Variants in SAMD5 observed in about 807,000 individuals in gnomAD.
SAMD5 encodes the protein sterile alpha motif domain containing 5.
SAMD5 carries 13 observed loss-of-function variants against 11.3 expected under a neutral mutation model. The observed-to-expected ratio is 1.15, with a 90% CI of 0.75 to 1.83. The LOEUF (loss-of-function observed/expected upper bound fraction) is 1.83, where lower values mean the gene tolerates loss of function less well. Among genes scored for constraint, SAMD5 ranks in the 40% most tolerant of loss-of-function variants. The pLI, the probability that SAMD5 is intolerant of heterozygous loss-of-function variation, is 0.00. For synonymous variants in SAMD5, 129 were observed against 111.3 expected (o/e 1.16, Z -1.00); for missense variants, 255 against 239.1 (o/e 1.07, Z -0.44).
the SAMD5 span, among the ~76,000 whole-genome samples, chr6:147,854,942 G>T: frequency 6.6e-6 from 1 of 152,128 alleles, no homozygotes; most frequent in East Asian, 1.9e-4. Context: ...AACAAAATTA[G>T]CCTAACTGAA....
At chr6:147,895,794 C>A in the SAMD5 span, among the ~76,000 whole-genome samples, 6 of 152,300 alleles carry the variant, frequency 3.9e-5, no homozygotes, top group Non-Finnish European at 1.5e-5. Flanking sequence ...ATCCCTACAG[C>A]AATCGGATTT....
At chr6:147,546,015 TATGG>T (rs1194780889) in intron 1 of SAMD5, among the ~76,000 whole-genome samples, 4 of 152,038 alleles carry the variant, frequency 2.6e-5, no homozygotes, top group Non-Finnish European at 5.9e-5. Flanking sequence ...TAAGGTAGGG[TATGG>T]TTTAATAAGA....
chr6:147,781,628 A>T, the SAMD5 span, among the ~76,000 whole-genome samples: 2 of 152,126 alleles, frequency 1.3e-5, no homozygotes, highest in East Asian at 3.8e-4. Flanking sequence ...TCAGAGCCTC[A>T]GTTTCTTCAT....
chr6:147,916,076 A>T, the SAMD5 span, among the ~76,000 whole-genome samples: 3 of 152,078 alleles, frequency 2.0e-5, no homozygotes, highest in Admixed American at 2.0e-4. Flanking sequence ...TACAAAGGAC[A>T]TGAACTCATC....
chr6:147,762,478 C>T, the SAMD5 span, among the ~76,000 whole-genome samples: 1 of 150,966 alleles, frequency 6.6e-6, no homozygotes, highest in Admixed American at 6.6e-5. Flanking sequence ...GGATTACAGG[C>T]ATGAGCCACC....
At chr6:147,630,458 C>T (rs149229999) in intron 1 of SAMD5, among the ~76,000 whole-genome samples, 160 of 152,208 alleles carry the variant, frequency 1.1e-3, no homozygotes, top group African/African-American at 3.8e-3. Flanking sequence ...GTGAAAATGG[C>T]CGGTTCCTGC....
intron 1 of SAMD5, among the ~76,000 whole-genome samples, chr6:147,695,816 T>C (rs1791167019): frequency 6.6e-6 from 1 of 152,218 alleles, no homozygotes; most frequent in Admixed American, 6.5e-5. Context: ...ACCATATATA[T>C]ACTTTATACA....
At chr6:147,689,261 G>A (rs1031729801) in intron 1 of SAMD5, among the ~76,000 whole-genome samples, 1 of 152,202 alleles carries the variant, frequency 6.6e-6, no homozygotes, top group Non-Finnish European at 1.5e-5. Context: ...GTTTGGCTTG[G>A]AAAGTGTTGA....
the SAMD5 span, among the ~76,000 whole-genome samples, chr6:147,861,413 G>A: frequency 6.6e-6 from 1 of 151,900 alleles, no homozygotes; most frequent in Non-Finnish European, 1.5e-5. Flanking sequence ...TGATCCGTCC[G>A]CCTCGGCCTC....
the SAMD5 span, among the ~76,000 whole-genome samples, chr6:147,872,086 ATATTAG>A: frequency 6.6e-6 from 1 of 152,142 alleles, no homozygotes; most frequent in Non-Finnish European, 1.5e-5. Context: ...TAAACACACT[ATATTAG>A]TATTAGTATT....
the SAMD5 span, among the ~76,000 whole-genome samples, chr6:147,787,979 A>C: frequency 1.3e-5 from 2 of 152,212 alleles, no homozygotes; most frequent in African/African-American, 4.8e-5. Context: ...GGGTTGCATA[A>C]GTATTCGGTG....
chr6:147,601,432 T>G (rs1348897652), intron 1 of SAMD5, among the ~76,000 whole-genome samples: 1 of 152,120 alleles, frequency 6.6e-6, no homozygotes, highest in South Asian at 2.1e-4. Flanking sequence ...CTCTAACTCA[T>G]GTAAGGACTT....
intron 1 of SAMD5, among the ~76,000 whole-genome samples, chr6:147,603,018 T>C (rs1370931835): frequency 2.0e-5 from 3 of 152,154 alleles, no homozygotes; most frequent in Non-Finnish European, 1.5e-5. Flanking sequence ...TGGAAATACA[T>C]TTCCTAAGTA....
At chr6:147,515,298 T>C (rs1788150911) in intron 1 of SAMD5, among the ~76,000 whole-genome samples, 1 of 150,504 alleles carries the variant, frequency 6.6e-6, no homozygotes, top group Non-Finnish European at 1.5e-5. Context: ...TGCCTTTGTG[T>C]ACTCCTCACA....
intron 1 of SAMD5, among the ~76,000 whole-genome samples, chr6:147,709,477 G>A (rs1472358247): frequency 6.6e-6 from 1 of 152,152 alleles, no homozygotes; most frequent in East Asian, 1.9e-4. Flanking sequence ...TTCTTTAGAA[G>A]GCTAATCAGG....
rs113759377 is a variant in SAMD5, at chr6:147,532,911, C to G, written c.459+23524C>G. 9.9e-4 allele frequency among the ~76,000 whole-genome samples: 151 copies of G among 152,200 alleles called. 1 individual carries two copies. The highest frequency in any genetic ancestry group is 2.2e-3 in the Admixed American group (34 of 15,284). On this transcript the variant is annotated intron_variant, in intron 1 of 1. Transcript: ENST00000367474. Reference sequence around the variant, plus strand: ...TTGTTAAACATTTAGCCCTGCACTACCGAGAGGGCATTTTTATTATGGTTA... The same window carrying G: ...TTGTTAAACATTTAGCCCTGCACTAGCGAGAGGGCATTTTTATTATGGTTA...
chr6:147,762,526 TTGTCA>T, the SAMD5 span, among the ~76,000 whole-genome samples: 1 of 152,184 alleles, frequency 6.6e-6, no homozygotes, highest in African/African-American at 2.4e-5. Context: ...CTCTTTTATG[TTGTCA>T]TGTCTTCTTT....
the SAMD5 span, among the ~76,000 whole-genome samples, chr6:147,885,515 G>T: frequency 6.6e-6 from 1 of 151,912 alleles, no homozygotes; most frequent in Non-Finnish European, 1.5e-5. Context: ...ATTAAAAAAA[G>T]TAAAATTTTT....
At chr6:147,661,914 C>T (rs562267006) in intron 1 of SAMD5, among the ~76,000 whole-genome samples, 1 of 152,362 alleles carries the variant, frequency 6.6e-6, no homozygotes, top group East Asian at 1.9e-4. Context: ...CAGGCGTGAG[C>T]CACCACGCCC....
Sources: gnomAD v4.1 joint callset for allele counts (sites outside exome capture counted in the v4.1 genomes callset) on GRCh38, gnomAD v4.1.1 for gene constraint, MANE v1.5 for transcripts, NCBI Gene and HGNC (gene_info 2026-07-23, HGNC 2026-07-21) for gene names.